Variants in ADGRL2 observed in about 807,000 individuals in gnomAD.
ADGRL2 encodes the protein calcium-independent alpha-latrotoxin receptor 2.
A neutral mutation model predicts 157.4 loss-of-function variants in ADGRL2; 44 were observed. The observed-to-expected ratio is 0.28, with a 90% CI of 0.22 to 0.36. The LOEUF is 0.36. ADGRL2 is among the 10% of genes least tolerant of loss of function. The pLI, the probability that ADGRL2 is intolerant of heterozygous loss-of-function variation, is 1.00. For missense variants in ADGRL2, 1,510 were observed against 1,768.9 expected (o/e 0.85, Z 2.63); for synonymous variants, 585 against 624.7 (o/e 0.94, Z 0.95).
chr1:81,791,396 T>G (rs2087338274), intron 2 of ADGRL2, among the ~76,000 whole-genome samples: 1 of 152,068 alleles, frequency 6.6e-6, no homozygotes, highest in Non-Finnish European at 1.5e-5. Flanking sequence ...TGGATAAAAG[T>G]GAGAGGACTG....
chr1:81,489,968 C>T (rs2078594062), intron 2 of ADGRL2, among the ~76,000 whole-genome samples: 2 of 152,014 alleles, frequency 1.3e-5, no homozygotes, highest in African/African-American at 4.8e-5. Flanking sequence ...TTAAGAGAGT[C>T]TTCCAGGGTG....
intron 3 of ADGRL2, among the ~76,000 whole-genome samples, chr1:81,634,511 TG>T (rs1264345688): frequency 2.3e-5 from 2 of 87,608 alleles, no homozygotes; most frequent in Admixed American, 2.1e-4. Context: ...TTAGCTATCT[TG>T]TTTTTTTTTT....
chr1:81,889,189 A>T (rs2094202112), intron 2 of ADGRL2, among the ~76,000 whole-genome samples: 1 of 152,252 alleles, frequency 6.6e-6, no homozygotes, highest in South Asian at 2.1e-4. Context: ...AAATCAAAAG[A>T]TAGAAATGAT....
chr1:81,710,460 A>G (rs1336356831), intron 1 of ADGRL2, among the ~76,000 whole-genome samples: 2 of 151,542 alleles, frequency 1.3e-5, no homozygotes, highest in Non-Finnish European at 2.9e-5. Context: ...CTGTACTAAA[A>G]ATACAAAAAA....
At chr1:81,724,439 G>A (rs934616786) in intron 1 of ADGRL2, among the ~76,000 whole-genome samples, 2 of 152,128 alleles carry the variant, frequency 1.3e-5, no homozygotes, top group African/African-American at 4.8e-5. Context: ...AGATAATCCA[G>A]TTGTTCATTG....
At chr1:81,434,240 T>C (rs2077371138) in intron 1 of ADGRL2, among the ~76,000 whole-genome samples, 1 of 152,216 alleles carries the variant, frequency 6.6e-6, no homozygotes, top group South Asian at 2.1e-4. Context: ...ACATAGAGTT[T>C]TGTGAGAATT....
At chr1:81,985,139 T>C in intron 20 of ADGRL2, 120 bp from the exon 21 acceptor site, 1 of 519,368 alleles carries the variant, frequency 1.9e-6, no homozygotes, top group Non-Finnish European at 3.4e-6. Flanking sequence ...ACACACATTC[T>C]TTAAAAGGCC....
chr1:81,447,897 A>G (rs2077628154), intron 2 of ADGRL2, among the ~76,000 whole-genome samples: 1 of 151,970 alleles, frequency 6.6e-6, no homozygotes, highest in South Asian at 2.1e-4. Context: ...GTTTAGCACC[A>G]TCTTTTTGGT....
At chr1:81,512,969 C>G (rs2079107148) in intron 2 of ADGRL2, among the ~76,000 whole-genome samples, 2 of 151,788 alleles carry the variant, frequency 1.3e-5, no homozygotes, top group South Asian at 4.2e-4. Flanking sequence ...ATCTTTCAAG[C>G]CAATGTTTGG....
At chr1:81,309,206 G>A (rs1659559841) in intron 1 of ADGRL2, among the ~76,000 whole-genome samples, 1 of 152,044 alleles carries the variant, frequency 6.6e-6, no homozygotes, top group South Asian at 2.1e-4. Flanking sequence ...ATTTCAAGAA[G>A]GATTCTGTAA....
chr1:81,416,971 C>T (rs757216520), intron 1 of ADGRL2, among the ~76,000 whole-genome samples: 1 of 152,078 alleles, frequency 6.6e-6, no homozygotes, highest in Admixed American at 6.6e-5. Context: ...AACAAGTTTC[C>T]CAGGTAATTC....
At chr1:81,619,927 C>G (rs1208199776) in intron 3 of ADGRL2, among the ~76,000 whole-genome samples, 1 of 138,752 alleles carries the variant, frequency 7.2e-6, no homozygotes, top group Non-Finnish European at 1.5e-5. Context: ...CTCTGTGCCT[C>G]AGTTTCCATT....
intron 2 of ADGRL2, among the ~76,000 whole-genome samples, chr1:81,769,243 C>G (rs920498297): frequency 1.3e-5 from 2 of 152,128 alleles, no homozygotes; most frequent in Admixed American, 6.6e-5. Flanking sequence ...AATCTTAAAG[C>G]AGCTAAACTT....
upstream of ADGRL2, among the ~76,000 whole-genome samples, chr1:81,797,530 C>T (rs1000417192): frequency 6.6e-6 from 1 of 152,268 alleles, no homozygotes; most frequent in Middle Eastern, 3.4e-3. Context: ...CAGAGTAGGG[C>T]AGTGAAAGTG....
At chr1:81,917,034 T>C (rs931666745) in intron 3 of ADGRL2, among the ~76,000 whole-genome samples, 2 of 152,034 alleles carry the variant, frequency 1.3e-5, no homozygotes, top group African/African-American at 2.4e-5. Flanking sequence ...GGTCTCACTA[T>C]GTTGCCCAGG....
At chr1:81,896,514 T>C (rs2094391867) in intron 2 of ADGRL2, among the ~76,000 whole-genome samples, 3 of 152,056 alleles carry the variant, frequency 2.0e-5, no homozygotes, top group African/African-American at 7.2e-5. Flanking sequence ...ATCTGGATTT[T>C]TGAAAAAACA....
intron 3 of ADGRL2, among the ~76,000 whole-genome samples, chr1:81,633,482 G>T (rs920648554): frequency 6.7e-6 from 1 of 150,072 alleles, no homozygotes; most frequent in Non-Finnish European, 1.5e-5. Context: ...TGTAATCCCA[G>T]CTAATTGGGA....
intron 17 of ADGRL2, among the ~76,000 whole-genome samples, chr1:81,978,974 C>T (rs768503687): frequency 2.0e-4 from 31 of 151,570 alleles, no homozygotes; most frequent in Admixed American, 6.6e-4. Flanking sequence ...AATTCAGGAA[C>T]AATGTAGCTT....
At chr1:81,746,909 TGCACAC>T (rs1446625586) in intron 1 of ADGRL2, among the ~76,000 whole-genome samples, 1 of 144,334 alleles carries the variant, frequency 6.9e-6, no homozygotes, top group Non-Finnish European at 1.5e-5. Context: ...TATACACACG[TGCACAC>T]GTATATACGT....
Sources: allele counts gnomAD v4.1 joint callset (sites outside exome capture counted in the v4.1 genomes callset), GRCh38; gene constraint gnomAD v4.1.1; transcripts MANE v1.5; gene names NCBI Gene and HGNC (gene_info 2026-07-23, HGNC 2026-07-21).